GATAD2B: variants seen among roughly 807,000 people sequenced by gnomAD.
The protein encoded by GATAD2B is GATA zinc finger domain containing 2B, also known as transcriptional repressor p66-beta.
Under a neutral mutation model 64.3 loss-of-function variants are expected in GATAD2B, and 8 were observed. The observed-to-expected ratio is 0.12, with a 90% CI of 0.07 to 0.22. GATAD2B has a LOEUF of 0.22. GATAD2B is among the 10% of genes least tolerant of loss of function. The probability of loss-of-function intolerance (pLI) is 1.00; values close to 1 mark genes in which losing one functional copy is unlikely to be tolerated. For missense variants in GATAD2B, 453 were observed against 752.0 expected, an observed-to-expected ratio of 0.60 and a Z score of 4.65; for synonymous variants, 281 against 271.3, an observed-to-expected ratio of 1.04 and a Z score of -0.35.
chr1:153,891,935 G>A (rs1169456262), intron 1 of GATAD2B, among the ~76,000 whole-genome samples: 2 of 151,594 alleles, frequency 1.3e-5, no homozygotes, highest in Admixed American at 1.3e-4. Context: ...AGGCTGAGGC[G>A]GGCGGATCAT....
intron 1 of GATAD2B, among the ~76,000 whole-genome samples, chr1:153,861,215 C>T (rs1331141721): frequency 6.6e-6 from 1 of 151,942 alleles, no homozygotes; most frequent in East Asian, 1.9e-4. Context: ...TGCTTCTAAT[C>T]CATTAAAAAT....
intron 1 of GATAD2B, among the ~76,000 whole-genome samples, chr1:153,905,371 G>T (rs115477857): frequency 6.6e-6 from 1 of 150,584 alleles, no homozygotes; most frequent in Non-Finnish European, 1.5e-5. Context: ...AGCCTGACTC[G>T]GTCTCAAAAA....
chr1:153,819,124 A>G (rs1288211301), intron 3 of GATAD2B, among the ~76,000 whole-genome samples: 1 of 152,264 alleles, frequency 6.6e-6, no homozygotes, highest in African/African-American at 2.4e-5. Context: ...ACAGAATTAA[A>G]GGACAGACCA....
At chr1:153,837,123 C>T (rs1167456509) in intron 1 of GATAD2B, among the ~76,000 whole-genome samples, 2 of 152,044 alleles carry the variant, frequency 1.3e-5, no homozygotes, top group South Asian at 2.1e-4. Flanking sequence ...AAACATTATG[C>T]GAGTAAAATA....
intron 1 of GATAD2B, among the ~76,000 whole-genome samples, chr1:153,908,939 G>A (rs1365696786): frequency 1.3e-5 from 2 of 152,030 alleles, no homozygotes; most frequent in Non-Finnish European, 2.9e-5. Context: ...TCTGGAACAC[G>A]GATTACATCT....
At position 153,817,514 on chromosome 1, in the gene GATAD2B, T is replaced by C. The variant is rs761086847; in HGVS notation, c.758A>G (p.Asn253Ser). ...QGHSVIRSATNTTLPHMLMSQ... is the reference protein window; with the variant it reads ...QGHSVIRSATSTTLPHMLMSQ... ...CATCAACATGTGTGGAAGGGTGGTATTGGTAGCTGAACGGATGACACTGTG... is the reference window on the plus strand; with the variant it reads ...CATCAACATGTGTGGAAGGGTGGTACTGGTAGCTGAACGGATGACACTGTG... Residue 253 changes from asparagine (N) to serine (S), a missense_variant, in exon 6 of 11, where the codon AAT (asparagine) becomes AGT (serine). Asn to Ser is a conservative substitution (Grantham distance 46, BLOSUM62 1). Around this residue, in one of 2 missense-constraint regions of GATAD2B, gnomAD observed 293 missense variants for 417.2 expected, o/e 0.70. Transcript: ENST00000368655. The C allele has an allele frequency of 2.5e-6, 4 of 1,607,154 alleles. No homozygotes were observed. The highest frequency in any genetic ancestry group is 1.1e-5 in the South Asian group (1 of 89,802).
chr1:153,810,382 G>C, intron 10 of GATAD2B, 72 bp from the exon 11 acceptor site: 1 of 1,496,792 alleles, frequency 6.7e-7, no homozygotes, highest in Non-Finnish European at 9.2e-7. Context: ...CTCTACCCTC[G>C]GGCTGCAGAG....
intron 1 of GATAD2B, among the ~76,000 whole-genome samples, chr1:153,861,054 G>A (rs1012384351): frequency 5.3e-5 from 8 of 152,172 alleles, no homozygotes; most frequent in African/African-American, 9.6e-5. Flanking sequence ...AGAGGAGCTA[G>A]GCAGAGGAGA....
At chr1:153,922,282 G>C (rs1412215384) in intron 1 of GATAD2B, among the ~76,000 whole-genome samples, 2 of 146,448 alleles carry the variant, frequency 1.4e-5, no homozygotes, top group Non-Finnish European at 3.0e-5. Flanking sequence ...TGGGGGTGGA[G>C]AGAGTTAAAA....
intron 1 of GATAD2B, among the ~76,000 whole-genome samples, chr1:153,877,839 C>CT (rs1420882262): frequency 6.7e-6 from 1 of 148,858 alleles, no homozygotes. Context: ...GATCATGCCA[C>CT]TGCACTCCAG....
Position 153,807,847 on chromosome 1 carries a change from A to C in GATAD2B, c.*2330T>G, listed in dbSNP as rs1458090502. 1 of 152,426 alleles carries C rather than the reference A, an allele frequency of 6.6e-6. No individual in the cohort carries two copies. Among genetic ancestry groups the C allele is most frequent in the East Asian group, 1.9e-4 (1 of 5,172 alleles). 9.4% of individuals were successfully genotyped at this position (152,426 alleles called of 1,614,324 possible). Reference sequence around the variant, plus strand: ...CATCTCGTACCTCTGAGCACCTCTGAGCTTGGGGAGAGGGAGACGTAACAG... The same window carrying C: ...CATCTCGTACCTCTGAGCACCTCTGCGCTTGGGGAGAGGGAGACGTAACAG... On this transcript the variant is annotated 3_prime_UTR_variant, in exon 11 of 11. Transcript: ENST00000368655.
At chr1:153,884,542 C>T (rs1031897923) in intron 1 of GATAD2B, among the ~76,000 whole-genome samples, 3 of 152,144 alleles carry the variant, frequency 2.0e-5, no homozygotes, top group Non-Finnish European at 4.4e-5. Context: ...GATGACGCTG[C>T]AGTGAGCCGA....
intron 1 of GATAD2B, among the ~76,000 whole-genome samples, chr1:153,897,909 A>G (rs1677645752): frequency 6.7e-6 from 1 of 149,896 alleles, no homozygotes. Flanking sequence ...GCTTTGGAAG[A>G]CCTCGACGAA....
chr1:153,905,789 G>A (rs545928988), intron 1 of GATAD2B, among the ~76,000 whole-genome samples: 31 of 143,626 alleles, frequency 2.2e-4, no homozygotes, highest in African/African-American at 7.6e-4. Context: ...AAAAAAAGCC[G>A]GGTGCAGTGG....
At chr1:153,904,576 C>A (rs1326186070) in intron 1 of GATAD2B, among the ~76,000 whole-genome samples, 1 of 152,134 alleles carries the variant, frequency 6.6e-6, no homozygotes. Flanking sequence ...GAGTCTCGCT[C>A]TGTCACTCAG....
At chr1:153,854,493 T>C (rs1433252959) in intron 1 of GATAD2B, among the ~76,000 whole-genome samples, 1 of 152,192 alleles carries the variant, frequency 6.6e-6, no homozygotes, top group African/African-American at 2.4e-5. Context: ...TTAAGTAACA[T>C]GCATACTGCT....
chr1:153,897,917 G>A (rs944306268), intron 1 of GATAD2B, among the ~76,000 whole-genome samples: 3 of 148,106 alleles, frequency 2.0e-5, no homozygotes, highest in East Asian at 2.0e-4. Flanking sequence ...AGACCTCGAC[G>A]AACGGATGGC....
At chr1:153,900,500 C>A (rs766301257) in intron 1 of GATAD2B, among the ~76,000 whole-genome samples, 4 of 151,796 alleles carry the variant, frequency 2.6e-5, no homozygotes, top group Non-Finnish European at 5.9e-5. Flanking sequence ...ACATCACAGA[C>A]TGGCAAGCTT....
intron 1 of GATAD2B, among the ~76,000 whole-genome samples, chr1:153,862,383 A>C (rs1012718485): frequency 1.3e-5 from 2 of 151,982 alleles, no homozygotes; most frequent in Admixed American, 1.3e-4. Flanking sequence ...TCAACCTCCC[A>C]AAGTGCCAGG....
Sources: gnomAD v4.1 joint callset for allele counts (sites outside exome capture counted in the v4.1 genomes callset) on GRCh38, gnomAD v4.1.1 for gene constraint, gnomAD v4.1.1 regional missense constraint, MANE v1.5 for transcripts, NCBI Gene and HGNC (gene_info 2026-07-23, HGNC 2026-07-21) for gene names.